NPAS3: variants seen among roughly 807,000 people sequenced by gnomAD.
NPAS3 encodes neuronal PAS domain-containing protein 3.
Under a neutral mutation model 73.1 loss-of-function variants are expected in NPAS3, and 14 were observed. The ratio of observed to expected loss-of-function variants is 0.19; its 90% CI spans 0.13 to 0.30. NPAS3 has a LOEUF of 0.30. Among genes scored for constraint, NPAS3 ranks in the 10% least tolerant of loss-of-function variants. The probability of loss-of-function intolerance (pLI) is 1.00; values close to 1 mark genes in which losing one functional copy is unlikely to be tolerated. For missense variants in NPAS3, 1,096 were observed against 1,250.0 expected, an observed-to-expected ratio of 0.88 and a Z score of 1.86; for synonymous variants, 620 against 541.5, an observed-to-expected ratio of 1.14 and a Z score of -2.01.
chr14:33,758,451 GCAACT>G (rs2062183053), intron 7 of NPAS3, among the ~76,000 whole-genome samples: 3 of 152,184 alleles, frequency 2.0e-5, no homozygotes, highest in Admixed American at 2.0e-4. Context: ...GCCAATGTGT[GCAACT>G]CCTGGACAAG....
chr14:33,030,653 T>C (rs946558210), intron 1 of NPAS3, among the ~76,000 whole-genome samples: 2 of 152,154 alleles, frequency 1.3e-5, no homozygotes, highest in Non-Finnish European at 2.9e-5. Context: ...GACAACAAGA[T>C]ACTCATATGC....
chr14:33,647,893 C>T (rs12437213), intron 5 of NPAS3, among the ~76,000 whole-genome samples: 3 of 151,966 alleles, frequency 2.0e-5, no homozygotes, highest in African/African-American at 7.3e-5. Context: ...ACTCAAATGG[C>T]AGGCCCATTG....
chr14:33,018,121 G>C (rs544021238), intron 1 of NPAS3, among the ~76,000 whole-genome samples: 14 of 152,304 alleles, frequency 9.2e-5, no homozygotes, highest in African/African-American at 3.1e-4. Context: ...CCAGCAATTT[G>C]TTAAGAGGGA....
At chr14:33,114,990 A>T (rs1344046057) in intron 2 of NPAS3, among the ~76,000 whole-genome samples, 7 of 152,198 alleles carry the variant, frequency 4.6e-5, no homozygotes, top group African/African-American at 1.7e-4. Flanking sequence ...TCATGACCAC[A>T]ACAAACCAAG....
intron 3 of NPAS3, among the ~76,000 whole-genome samples, chr14:33,282,494 A>C (rs951570299): frequency 1.3e-5 from 2 of 152,174 alleles, no homozygotes; most frequent in Non-Finnish European, 2.9e-5. Context: ...TTCTGGGAGA[A>C]TCCTGGGTGA....
At chr14:33,170,424 T>C (rs1434485076) in intron 2 of NPAS3, among the ~76,000 whole-genome samples, 2 of 152,190 alleles carry the variant, frequency 1.3e-5, no homozygotes, top group African/African-American at 4.8e-5. Context: ...CATGTGGTGG[T>C]TGCTGAAGTT....
chr14:33,409,337 G>C (rs183377514), intron 4 of NPAS3, among the ~76,000 whole-genome samples: 1 of 151,942 alleles, frequency 6.6e-6, no homozygotes, highest in Non-Finnish European at 1.5e-5. Flanking sequence ...CCACTTTGGT[G>C]GCCTTTATAC....
chr14:33,414,501 A>T (rs1048857173), intron 4 of NPAS3, among the ~76,000 whole-genome samples: 1 of 152,120 alleles, frequency 6.6e-6, no homozygotes, highest in Non-Finnish European at 1.5e-5. Flanking sequence ...TAATTCCTAT[A>T]CCAAGCATTT....
intron 9 of NPAS3, among the ~76,000 whole-genome samples, chr14:33,784,066 A>G (rs2063066973): frequency 6.6e-6 from 1 of 152,242 alleles, no homozygotes; most frequent in Non-Finnish European, 1.5e-5. Flanking sequence ...TGACTTCTTT[A>G]CAAAGATATA....
intron 4 of NPAS3, among the ~76,000 whole-genome samples, chr14:33,451,506 C>T (rs1487486345): frequency 6.6e-6 from 1 of 152,176 alleles, no homozygotes; most frequent in East Asian, 1.9e-4. Flanking sequence ...TGTCCAGAAA[C>T]TGTTACTATT....
At chr14:33,666,336 CTCAT>C (rs1383879659) in intron 5 of NPAS3, among the ~76,000 whole-genome samples, 1 of 152,210 alleles carries the variant, frequency 6.6e-6, no homozygotes, top group Non-Finnish European at 1.5e-5. Context: ...CCTGTCCTTA[CTCAT>C]TCTTTTCTCT....
chr14:33,647,288 C>CTA (rs1305979185), intron 5 of NPAS3, among the ~76,000 whole-genome samples: 78 of 149,946 alleles, frequency 5.2e-4, no homozygotes, highest in South Asian at 2.1e-3. Context: ...CTCTCTCTCT[C>CTA]TCTATATATA....
intron 5 of NPAS3, among the ~76,000 whole-genome samples, chr14:33,674,988 C>T (rs1446111671): frequency 1.3e-5 from 2 of 152,078 alleles, no homozygotes; most frequent in Non-Finnish European, 2.9e-5. Flanking sequence ...AGGGTGCAGG[C>T]ACGCAGGTGG....
chr14:33,466,884 G>A (rs1236865558), intron 4 of NPAS3, among the ~76,000 whole-genome samples: 2 of 152,128 alleles, frequency 1.3e-5, no homozygotes, highest in East Asian at 3.8e-4. Context: ...CTCCGACACT[G>A]GGGATTACAA....
chr14:33,476,495 C>G (rs961681465), intron 4 of NPAS3, among the ~76,000 whole-genome samples: 3 of 152,116 alleles, frequency 2.0e-5, no homozygotes, highest in African/African-American at 7.2e-5. Flanking sequence ...CTCTGAATGT[C>G]GGTATTTCTA....
rs568858812 is a variant in NPAS3 at position 33,690,648 on chromosome 14, A to G, written c.733+14263A>G. Among the ~76,000 whole-genome samples, 65 of 152,290 alleles carry G rather than the reference A, an allele frequency of 4.3e-4. 1 individual carries two copies. In the South Asian group the frequency reaches 0.013, roughly 31 times the overall value. The stretch of plus-strand genomic sequence containing the variant: ...AAAAGAGAACATGTAAAAGAGAGGC[A>G]GAAACCCTAGTTTCTCAAATACAAG... On this transcript the variant is annotated intron_variant, in intron 6 of 11. Transcript: ENST00000356141.
chr14:33,720,363 A>T (rs1041260681), intron 6 of NPAS3, among the ~76,000 whole-genome samples: 1 of 152,156 alleles, frequency 6.6e-6, no homozygotes, highest in Admixed American at 6.6e-5. Flanking sequence ...AAAGTTGCTC[A>T]TTAAGGGAAG....
At chr14:33,022,461 G>A (rs1263411313) in intron 1 of NPAS3, among the ~76,000 whole-genome samples, 6 of 151,944 alleles carry the variant, frequency 3.9e-5, no homozygotes, top group African/African-American at 1.4e-4. Context: ...TCAGGAGATC[G>A]AGACCATCCT....
intron 4 of NPAS3, among the ~76,000 whole-genome samples, chr14:33,430,732 C>T (rs559876613): frequency 3.3e-5 from 5 of 152,314 alleles, no homozygotes; most frequent in African/African-American, 1.2e-4. Context: ...CCACATCTAT[C>T]TTCTCCCTGC....
Sources: gnomAD v4.1 joint callset for allele counts (sites outside exome capture counted in the v4.1 genomes callset) on GRCh38, gnomAD v4.1.1 for gene constraint, MANE v1.5 for transcripts, NCBI Gene and HGNC (gene_info 2026-07-23, HGNC 2026-07-21) for gene names.